Variants in PAN2 observed in about 807,000 individuals in gnomAD.
The protein encoded by PAN2 is poly(A) specific ribonuclease subunit PAN2.
A neutral mutation model predicts 133.3 loss-of-function variants in PAN2; 68 were observed. The observed-to-expected ratio is 0.51, with a 90% CI of 0.42 to 0.62. The LOEUF (loss-of-function observed/expected upper bound fraction) is 0.62. Ranked by LOEUF, PAN2 falls within the 20% of genes least tolerant of loss-of-function variation. PAN2 has a pLI of 0.00. For synonymous variants in PAN2, 462 were observed against 544.6 expected, an observed-to-expected ratio of 0.85 and a Z score of 2.11; for missense variants, 1,042 against 1,500.5, an observed-to-expected ratio of 0.69 and a Z score of 5.05.
intron 2 of PAN2, among the ~76,000 whole-genome samples, chr12:56,332,407 G>A (rs960925641): frequency 6.6e-6 from 1 of 152,076 alleles, no homozygotes; most frequent in East Asian, 1.9e-4. Flanking sequence ...TTTGAGACAA[G>A]CCTGGGCAAC....
intron 20 of PAN2, among the ~76,000 whole-genome samples, chr12:56,321,214 C>T (rs1355733248): frequency 6.6e-6 from 1 of 151,288 alleles, no homozygotes; most frequent in Non-Finnish European, 1.5e-5. Flanking sequence ...GTATATGCCA[C>T]CACACTCAGC....
At chr12:56,328,774 CA>C in intron 2 of PAN2, 133 bp from the exon 3 acceptor site, 1 of 634,502 alleles carries the variant, frequency 1.6e-6, no homozygotes, top group Non-Finnish European at 2.7e-6. Flanking sequence ...GCAACTGGGG[CA>C]AAAGGCTAGG....
chr12:56,328,289 C>T lies in PAN2; in HGVS notation c.522G>A (p.Leu174=). The T allele has an allele frequency of 6.2e-7, 1 of 1,608,814 alleles. No individual in the cohort carries two copies. The highest frequency in any genetic ancestry group is 8.5e-7 in the Non-Finnish European group (1 of 1,177,166). ...GATCAATCTCTATTATGTGATTCTG[C>T]AGCCCACCAACGAGTAGAGTGCTGC... ...TDSSTLLVGG[L]QNHIIEIDLN... is the part of the protein sequence containing the mutation. Residue 174 remains leucine, a synonymous_variant, in exon 4 of 26, where the codon CTG becomes CTA. Transcript: ENST00000440411.
chr12:56,319,588 G>A lies in PAN2; in HGVS notation c.3090+33C>T. 6.3e-7 allele frequency: 1 copy of A among 1,594,174 alleles called. No individual in the cohort carries two copies. Among genetic ancestry groups the A allele is most frequent in the African/African-American group, 1.3e-5 (1 of 74,488 alleles). ...TTGAGCACTGTAAGTAAGCACCAGGGTGTGCCTCACTTGCATCTCCATATC... is the reference window on the plus strand; with the variant it reads ...TTGAGCACTGTAAGTAAGCACCAGGATGTGCCTCACTTGCATCTCCATATC... On this transcript the variant is annotated intron_variant, in intron 22 of 25. Coordinates refer to ENST00000440411, the MANE Select transcript of PAN2 (RefSeq NM_014871.6). The surrounding 1 kb of genome is among the most constrained non-coding windows in gnomAD (Gnocchi z 5.4).
intron 20 of PAN2, 46 bp from the exon 21 acceptor site, chr12:56,320,067 A>G (rs773311267): frequency 6.3e-7 from 1 of 1,595,802 alleles, no homozygotes; most frequent in Admixed American, 1.7e-5. Flanking sequence ...TAGGGAAGTG[A>G]CTAGGGGAGA....
chr12:56,331,699 C>T (rs1875861669), intron 2 of PAN2, among the ~76,000 whole-genome samples: 1 of 51,214 alleles, frequency 2.0e-5, no homozygotes, highest in African/African-American at 3.3e-5. Flanking sequence ...TGAAGGACAG[C>T]GTTTTTTTTT....
chr12:56,330,083 G>T (rs140543324), intron 2 of PAN2, among the ~76,000 whole-genome samples: 37 of 152,142 alleles, frequency 2.4e-4, no homozygotes, highest in Admixed American at 8.5e-4. Flanking sequence ...CTTCTAGAGG[G>T]CCTAGAATAG....
rs976783016 is a variant in PAN2 at position 56,327,377 on chromosome 12, G to T, written c.906C>A (p.Ile302=). 8.7e-6 allele frequency: 14 copies of T among 1,613,968 alleles called. No individual in the cohort carries two copies. The African/African-American group carries it at 1.9e-4, about 22-fold the overall frequency. ...FIPTYTSRLA[I]ISQSGQCQFC... is the part of the protein sequence containing the mutation. ...TGCCCTTCATACCTGACTGAGAGAT[G>T]ATAGCAAGACGAGAAGTATATGTAG... Residue 302 remains isoleucine (I), a synonymous_variant, in exon 6 of 26, where the codon ATC becomes ATA. Coordinates refer to ENST00000440411, the MANE Select transcript of PAN2 (RefSeq NM_014871.6).
rs1874886018 is a variant in PAN2, at chr12:56,324,337, G to C, written c.1885C>G (p.Gln629Glu). The C allele has an allele frequency of 6.2e-7, 1 of 1,613,976 alleles. No individual in the cohort carries two copies. Among genetic ancestry groups the C allele is most frequent in the African/African-American group, 1.3e-5 (1 of 74,918 alleles). ...FILTQLHQDM[Q>E]ELEIPQAYRG... ...TAAGCCTGTGGTATTTCCAGCTCCTGCATATCTTGATGCAGTTGAGTGAGA... is the reference window on the plus strand; with the variant it reads ...TAAGCCTGTGGTATTTCCAGCTCCTCCATATCTTGATGCAGTTGAGTGAGA... Residue 629 changes from glutamine (Q) to glutamate (E), a missense_variant, in exon 12 of 26, where the codon CAG becomes GAG. Gln to Glu is a conservative substitution (Grantham distance 29, BLOSUM62 2). Coordinates refer to ENST00000440411, the MANE Select transcript of PAN2 (RefSeq NM_014871.6).
Position 56,326,616 on chromosome 12 carries a change from C to T in PAN2, c.1262+1G>A. 6.2e-7 allele frequency: 1 copy of T among 1,610,308 alleles called. No individual in the cohort carries two copies. Among genetic ancestry groups the T allele is most frequent in the Non-Finnish European group, 8.5e-7 (1 of 1,177,570 alleles). ...CTTTTGGCCCAGAGGTAGGGTACAA[C>T]CTGGGAGCTGGAGCAGAGTTGGCAG... is the stretch of plus-strand genomic sequence containing the variant. On this transcript the variant is annotated splice_donor_variant, in intron 7 of 25. Coordinates refer to ENST00000440411, the MANE Select transcript of PAN2 (RefSeq NM_014871.6). LOFTEE classifies it high-confidence loss of function.
At chr12:56,324,849 T>G (rs1874938644) in intron 10 of PAN2, 140 bp from the exon 11 acceptor site, 2 of 1,354,268 alleles carry the variant, frequency 1.5e-6, no homozygotes, top group Admixed American at 2.4e-5. Context: ...CCGGTGGAGC[T>G]CAGAGGAGAC....
At position 56,333,027 on chromosome 12, in the gene PAN2, G is replaced by A. The variant is rs1004251013; in HGVS notation, c.68C>T (p.Pro23Leu). ...TGGGTTCAGGTGGGCATCCAAGACA[G>A]GGTCCAGGGCAGAATGCATGGCTGG... ...YAPAMHSALD[P>L]VLDAHLNPSL... The change falls in exon 2 of 26, where the codon CCT becomes CTT. Residue 23 changes from proline to leucine, a missense_variant. Transcript: ENST00000440411. 2 of 1,614,146 alleles carry A rather than the reference G, an allele frequency of 1.2e-6. No individual in the cohort carries two copies. Among genetic ancestry groups the A allele is most frequent in the Non-Finnish European group, 1.7e-6 (2 of 1,180,018 alleles).
At chr12:56,327,681 A>C in intron 5 of PAN2, 50 bp from the exon 6 acceptor site, 1 of 1,591,418 alleles carries the variant, frequency 6.3e-7, no homozygotes, top group Non-Finnish European at 8.6e-7. Context: ...CAGGAAAAAT[A>C]CCTGCCACCT....
chr12:56,322,039 A>C (rs752240098), intron 20 of PAN2, 39 bp downstream of exon 20: 1 of 1,118,100 alleles, frequency 8.9e-7, no homozygotes, highest in South Asian at 1.3e-5. Context: ...AGCCCAATCT[A>C]AACTGTCCAC....
At position 56,328,301 on chromosome 12, in the gene PAN2, G is replaced by T; in HGVS notation, c.510C>A (p.Leu170=). 6.2e-7 allele frequency: 1 copy of T among 1,609,766 alleles called. No individual in the cohort carries two copies. The highest frequency in any genetic ancestry group is 8.5e-7 in the Non-Finnish European group (1 of 1,177,540). The change falls in exon 4 of 26, where the codon CTC becomes CTA. Residue 170 remains leucine (L), a synonymous_variant. Coordinates refer to ENST00000440411, the MANE Select transcript of PAN2 (RefSeq NM_014871.6). ...SLLLTDSSTL[L]VGGLQNHIIE... is the part of the protein sequence containing the mutation. ...TTATGTGATTCTGCAGCCCACCAAC[G>T]AGTAGAGTGCTGCTGTCAGTCAGTA...
At chr12:56,323,719 A>C (rs930538374) in intron 14 of PAN2, 88 bp downstream of exon 14, 16 of 1,397,482 alleles carry the variant, frequency 1.1e-5, no homozygotes, top group African/African-American at 2.8e-5. Context: ...CCTGGATGGC[A>C]GTGCTGACAG....
chr12:56,322,917 C>A, intron 17 of PAN2, 145 bp downstream of exon 17: 1 of 1,281,664 alleles, frequency 7.8e-7, no homozygotes. Flanking sequence ...AACTGAGTGA[C>A]TATGGAAAAT....
Position 56,332,799 on chromosome 12 carries a change from G to A in PAN2, c.282+14C>T. On this transcript the variant is annotated intron_variant, in intron 2 of 25. Transcript: ENST00000440411. ...CAACATCTTTCAACCCTCACAAAGG[G>A]GTACAGTTCTTACCCCGTGGCTCCC... 2 of 1,611,400 alleles carry A rather than the reference G, an allele frequency of 1.2e-6. No homozygotes were observed. The highest frequency in any genetic ancestry group is 2.2e-5 in the East Asian group (1 of 44,802).
Position 56,326,230 on chromosome 12 carries a change from A to G in PAN2, c.1359+83T>C, listed in dbSNP as rs1457522167. The G allele has an allele frequency of 5.3e-6, 7 of 1,314,778 alleles. No individual in the cohort carries two copies. In the African/African-American group the frequency reaches 1.0e-4, roughly 19 times the overall value. 81.4% of individuals were successfully genotyped at this position (1,314,778 alleles called of 1,614,324 possible). On this transcript the variant is annotated intron_variant, in intron 8 of 25. Transcript: ENST00000440411. ...GGTTGGTTACCAACAGGATCTAAAA[A>G]CAAAAGAAAGACTAGTAAAGGAAAA...
Sources: allele counts gnomAD v4.1 joint callset (sites outside exome capture counted in the v4.1 genomes callset), GRCh38; gene constraint gnomAD v4.1.1; non-coding constraint Gnocchi (gnomAD v3.1); transcripts MANE v1.5; gene names NCBI Gene and HGNC (gene_info 2026-07-23, HGNC 2026-07-21).